Variants in RNLS observed in about 807,000 individuals in gnomAD.
The protein encoded by RNLS is renalase.
RNLS carries 39 observed loss-of-function variants against 39.8 expected under a neutral mutation model. The ratio of observed to expected loss-of-function variants is 0.98; its 90% CI spans 0.76 to 1.28. The LOEUF is 1.28. Ranked by LOEUF, RNLS falls within the 50% of genes most tolerant of loss-of-function variation. The pLI is 0.00. For missense variants in RNLS, 410 were observed against 413.3 expected (o/e 0.99, Z 0.07); for synonymous variants, 147 against 150.7 (o/e 0.98, Z 0.18).
chr10:88,286,561 C>T (rs1038789123), intron 6 of RNLS, among the ~76,000 whole-genome samples: 2 of 152,028 alleles, frequency 1.3e-5, no homozygotes, highest in African/African-American at 4.8e-5. Context: ...GGCCATCTCA[C>T]TTGGGACTGC....
intron 4 of RNLS, among the ~76,000 whole-genome samples, chr10:88,533,752 T>C (rs971468544): frequency 2.6e-5 from 4 of 151,974 alleles, no homozygotes; most frequent in African/African-American, 7.2e-5. Flanking sequence ...GCACTGAACA[T>C]GAAGAGAGAA....
intron 6 of RNLS, among the ~76,000 whole-genome samples, chr10:88,303,867 C>T (rs532203197): frequency 1.6e-4 from 24 of 152,304 alleles, no homozygotes; most frequent in African/African-American, 5.5e-4. Flanking sequence ...ACTTCCAGTG[C>T]GACTGTGTAC....
intron 6 of RNLS, chr10:88,309,464 C>T (rs1845191551): frequency 7.8e-7 from 1 of 1,289,734 alleles, no homozygotes. Context: ...CCACTTCCCC[C>T]ACCAAACAAA....
chr10:88,351,992 T>G (rs1469533220), intron 5 of RNLS, among the ~76,000 whole-genome samples: 2 of 152,228 alleles, frequency 1.3e-5, no homozygotes, highest in Admixed American at 6.5e-5. Context: ...ACTCATGATT[T>G]GGCTCTCTGT....
At chr10:88,314,361 A>G in intron 6 of RNLS, 105 bp downstream of exon 6, 1 of 1,178,028 alleles carries the variant, frequency 8.5e-7, no homozygotes, top group Non-Finnish European at 1.2e-6. Context: ...AGGATCACAT[A>G]GTTAATTTAT....
At chr10:88,375,692 C>A (rs1235431650) in intron 4 of RNLS, among the ~76,000 whole-genome samples, 1 of 152,116 alleles carries the variant, frequency 6.6e-6, no homozygotes, top group African/African-American at 2.4e-5. Flanking sequence ...TCTCCTTTTG[C>A]ACAAAGATTT....
chr10:88,247,797 C>A, the RNLS span, among the ~76,000 whole-genome samples: 5 of 152,092 alleles, frequency 3.3e-5, no homozygotes, highest in African/African-American at 4.8e-5. Flanking sequence ...CACAAGGATC[C>A]TTTAAATGTT....
intron 6 of RNLS, among the ~76,000 whole-genome samples, chr10:88,286,218 C>T (rs560553436): frequency 6.6e-6 from 1 of 152,256 alleles, no homozygotes; most frequent in African/African-American, 2.4e-5. Flanking sequence ...GAGCGCTGTT[C>T]TGGCCCAGGC....
At chr10:88,350,215 CTT>C (rs558628829) in intron 5 of RNLS, among the ~76,000 whole-genome samples, 1 of 141,834 alleles carries the variant, frequency 7.1e-6, no homozygotes, top group Non-Finnish European at 1.6e-5. Context: ...TCATTCAATT[CTT>C]TTTTTTTTTT....
At chr10:88,333,582 C>T (rs1368485105) in intron 5 of RNLS, among the ~76,000 whole-genome samples, 4 of 152,186 alleles carry the variant, frequency 2.6e-5, no homozygotes, top group African/African-American at 9.7e-5. Context: ...AATTTAATAA[C>T]ATGAATTGCC....
intron 4 of RNLS, among the ~76,000 whole-genome samples, chr10:88,384,067 TTTG>T (rs1226205442): frequency 6.6e-6 from 1 of 152,158 alleles, no homozygotes; most frequent in Non-Finnish European, 1.5e-5. Flanking sequence ...TTTATAGAAA[TTTG>T]TTTTCTATCT....
chr10:88,568,088 C>A (rs59337681), intron 4 of RNLS, among the ~76,000 whole-genome samples: 3,232 of 152,256 alleles, frequency 0.021, 105 homozygotes, highest in South Asian at 0.076. Flanking sequence ...GGTCAGTGAG[C>A]CATGATGAAA....
At chr10:88,236,933 C>T in the RNLS span, among the ~76,000 whole-genome samples, 4 of 151,956 alleles carry the variant, frequency 2.6e-5, no homozygotes, top group Admixed American at 2.0e-4. Flanking sequence ...AGGGCTACTT[C>T]GAAGTTCTAA....
the RNLS span, among the ~76,000 whole-genome samples, chr10:88,253,677 G>A: frequency 6.6e-6 from 1 of 152,278 alleles, no homozygotes; most frequent in Admixed American, 6.5e-5. Context: ...CTGTGAAAAT[G>A]GAGTCTTCTG....
intron 4 of RNLS, among the ~76,000 whole-genome samples, chr10:88,502,176 C>T (rs1171316949): frequency 2.6e-5 from 4 of 151,846 alleles, no homozygotes; most frequent in African/African-American, 9.7e-5. Flanking sequence ...TTATTCTATC[C>T]AAATATTCTA....
chr10:88,180,127 G>A, the RNLS span, among the ~76,000 whole-genome samples: 1 of 152,172 alleles, frequency 6.6e-6, no homozygotes. Context: ...GTCTTTGGGT[G>A]GGGACAGCAA....
At chr10:88,417,277 T>A (rs4933480) in intron 4 of RNLS, among the ~76,000 whole-genome samples, 94,283 of 152,042 alleles carry the variant, frequency 0.62, 29,377 homozygotes, top group African/African-American at 0.68. Context: ...GGATTTGTAC[T>A]TGTGGTTTGA....
chr10:88,232,523 C>T, the RNLS span, among the ~76,000 whole-genome samples: 1 of 152,278 alleles, frequency 6.6e-6, no homozygotes, highest in African/African-American at 2.4e-5. Context: ...TCAAGGGATC[C>T]TCCCACTTTA....
chr10:88,172,839 G>GTTTTTTTTTT, the RNLS span, among the ~76,000 whole-genome samples: 12 of 31,504 alleles, frequency 3.8e-4, no homozygotes, highest in African/African-American at 5.5e-4. Flanking sequence ...TGCATTTTGA[G>GTTTTTTTTTT]TTGTTTTTTT....
Sources: gnomAD v4.1 joint callset for allele counts (sites outside exome capture counted in the v4.1 genomes callset) on GRCh38, gnomAD v4.1.1 for gene constraint, MANE v1.5 for transcripts, NCBI Gene and HGNC (gene_info 2026-07-23, HGNC 2026-07-21) for gene names.